Variants in DPYD observed in about 807,000 individuals in gnomAD.
DPYD encodes the protein dihydropyrimidine dehydrogenase [NADP(+)].
Under a neutral mutation model 116.2 loss-of-function variants are expected in DPYD, and 109 were observed. That is an observed-to-expected ratio of 0.94 (90% CI 0.80 to 1.10). DPYD has a LOEUF of 1.10. DPYD is among the 50% of genes least tolerant of loss of function. DPYD has a pLI of 0.00. For synonymous variants in DPYD, 440 were observed against 432.0 expected, an observed-to-expected ratio of 1.02 and a Z score of -0.23; for missense variants, 1,302 against 1,254.5, an observed-to-expected ratio of 1.04 and a Z score of -0.57.
intron 1 of DPYD, among the ~76,000 whole-genome samples, chr1:97,899,152 G>A (rs1673232366): frequency 6.6e-6 from 1 of 151,382 alleles, no homozygotes; most frequent in Non-Finnish European, 1.5e-5. Flanking sequence ...CAGTTGGCTA[G>A]TTTACATTAA....
rs181646941 is a variant in DPYD at position 97,480,940 on chromosome 1, A to G, written c.1741-30717T>C. Among the ~76,000 whole-genome samples the G allele has an allele frequency of 4.0e-3, 614 of 152,264 alleles. 2 individuals are homozygous for G. Among genetic ancestry groups the G allele is most frequent in the Middle Eastern group, 6.8e-3 (2 of 294 alleles). ...GGTTGCAGTGAGCCGAGATCATGCC[A>G]CTGCACTCCAGTCTGGGGCGACAAG... On this transcript the variant is annotated intron_variant, in intron 13 of 22. Coordinates refer to ENST00000370192, the MANE Select transcript of DPYD (RefSeq NM_000110.4).
At chr1:97,157,788 T>A (rs1655583384) in intron 20 of DPYD, among the ~76,000 whole-genome samples, 1 of 152,138 alleles carries the variant, frequency 6.6e-6, no homozygotes, top group African/African-American at 2.4e-5. Context: ...ACCTGTAATA[T>A]GTGTATAAGC....
intron 20 of DPYD, among the ~76,000 whole-genome samples, chr1:97,141,339 T>C (rs1472417411): frequency 6.6e-6 from 1 of 152,078 alleles, no homozygotes; most frequent in Non-Finnish European, 1.5e-5. Flanking sequence ...CTTACTTACC[T>C]CCCTGACTTT....
intron 18 of DPYD, among the ~76,000 whole-genome samples, chr1:97,258,831 C>A (rs1663686120): frequency 6.6e-6 from 1 of 152,100 alleles, no homozygotes; most frequent in Non-Finnish European, 1.5e-5. Context: ...AAGTGATTAG[C>A]AGATGGTCAT....
chr1:97,498,473 CCTCT>C (rs1291053601), intron 13 of DPYD, among the ~76,000 whole-genome samples: 1 of 138,344 alleles, frequency 7.2e-6, no homozygotes. Flanking sequence ...CAGTACTTTG[CCTCT>C]CTCTCTCTTT....
intron 3 of DPYD, among the ~76,000 whole-genome samples, chr1:97,803,311 C>T (rs1667931196): frequency 1.3e-5 from 2 of 151,982 alleles, no homozygotes; most frequent in East Asian, 1.9e-4. Context: ...GACTACCCTA[C>T]AGGAAATACT....
At chr1:97,695,588 G>C (rs1004376008) in intron 6 of DPYD, among the ~76,000 whole-genome samples, 2 of 150,890 alleles carry the variant, frequency 1.3e-5, no homozygotes, top group African/African-American at 2.5e-5. Flanking sequence ...ATAGTTAAGT[G>C]ATCGATATAT....
At chr1:97,882,735 G>C (rs1672291080) in intron 2 of DPYD, among the ~76,000 whole-genome samples, 1 of 151,946 alleles carries the variant, frequency 6.6e-6, no homozygotes, top group South Asian at 2.1e-4. Context: ...ATGCTGTTTT[G>C]CTCCTACACC....
chr1:97,866,489 CTT>C (rs1318081783), intron 2 of DPYD, among the ~76,000 whole-genome samples: 1 of 151,898 alleles, frequency 6.6e-6, no homozygotes, highest in Admixed American at 6.6e-5. Flanking sequence ...TCTCTGGAAT[CTT>C]TGTTTCATTC....
intron 8 of DPYD, among the ~76,000 whole-genome samples, chr1:97,639,386 A>G (rs1451079654): frequency 1.3e-5 from 2 of 152,126 alleles, no homozygotes; most frequent in African/African-American, 4.8e-5. Flanking sequence ...CTACCGCTCC[A>G]TGGCTCAGAC....
intron 20 of DPYD, among the ~76,000 whole-genome samples, chr1:97,130,836 CTCCTTCCTTCCTTCCTTCCT>C (rs59350272): frequency 3.2e-4 from 21 of 64,636 alleles, no homozygotes; most frequent in East Asian, 2.2e-3. Context: ...TTTCTTCTTT[CTCCTTCCTTCCTTCCTTCCT>C]TCCTTCCTTC....
At chr1:97,822,764 A>T (rs993939719) in intron 3 of DPYD, among the ~76,000 whole-genome samples, 1 of 152,082 alleles carries the variant, frequency 6.6e-6, no homozygotes, top group Non-Finnish European at 1.5e-5. Context: ...TCTAGCACTC[A>T]AAAACTTCCC....
chr1:97,606,833 CTCT>C (rs577817308), intron 8 of DPYD, among the ~76,000 whole-genome samples: 10 of 152,004 alleles, frequency 6.6e-5, no homozygotes, highest in East Asian at 1.9e-4. Context: ...AGGAAAACTT[CTCT>C]TCTTCTTCTT....
intron 20 of DPYD, among the ~76,000 whole-genome samples, chr1:97,145,581 A>C (rs533609533): frequency 6.6e-6 from 1 of 152,250 alleles, no homozygotes; most frequent in South Asian, 2.1e-4. Flanking sequence ...CAAATTTGTC[A>C]AGTTGTTTTT....
chr1:97,561,529 T>C (rs896862005), intron 11 of DPYD, among the ~76,000 whole-genome samples: 1 of 152,150 alleles, frequency 6.6e-6, no homozygotes, highest in African/African-American at 2.4e-5. Flanking sequence ...ATATGTAAGA[T>C]ATACAGAGTG....
chr1:97,578,006 T>C lies in DPYD; in HGVS notation c.1129-4036A>G, dbSNP rs541992901. ...AATTACAGGCACCCGCCACCATGCCTGGCTAATTTTTGTATTTTTAGTAGA... is the reference window on the plus strand; with the variant it reads ...AATTACAGGCACCCGCCACCATGCCCGGCTAATTTTTGTATTTTTAGTAGA... On this transcript the variant is annotated intron_variant, in intron 10 of 22. Coordinates refer to ENST00000370192, the MANE Select transcript of DPYD (RefSeq NM_000110.4). Among the ~76,000 whole-genome samples the C allele has an allele frequency of 5.3e-5, 8 of 151,892 alleles. 1 individual carries two copies. The highest frequency in any genetic ancestry group is 1.7e-4 in the African/African-American group (7 of 41,424).
chr1:97,578,989 A>G (rs1008677383), intron 10 of DPYD, among the ~76,000 whole-genome samples: 8 of 152,250 alleles, frequency 5.3e-5, no homozygotes, highest in Non-Finnish European at 1.2e-4. Context: ...CAGAATTTAA[A>G]TAAGTTTGTT....
intron 20 of DPYD, among the ~76,000 whole-genome samples, chr1:97,129,630 G>A (rs1653123784): frequency 1.3e-5 from 2 of 152,024 alleles, no homozygotes; most frequent in South Asian, 4.1e-4. Flanking sequence ...CCCTTGAACT[G>A]ATCTCACATG....
chr1:97,657,384 T>C (rs977515227), intron 8 of DPYD, among the ~76,000 whole-genome samples: 32 of 152,216 alleles, frequency 2.1e-4, no homozygotes, highest in African/African-American at 7.2e-4. Flanking sequence ...ATAAAGAATA[T>C]TAAAATTTGT....
Sources: gnomAD v4.1 joint callset for allele counts (sites outside exome capture counted in the v4.1 genomes callset) on GRCh38, gnomAD v4.1.1 for gene constraint, MANE v1.5 for transcripts, NCBI Gene and HGNC (gene_info 2026-07-23, HGNC 2026-07-21) for gene names.